Variants in TGFBR2 observed in about 807,000 individuals in gnomAD.
TGFBR2 encodes the protein TGF-beta receptor type-2.
TGFBR2 carries 18 observed loss-of-function variants against 49.0 expected under a neutral mutation model. The observed-to-expected ratio is 0.37, with a 90% CI of 0.25 to 0.54. The LOEUF is 0.54. Among genes scored for constraint, TGFBR2 ranks in the 20% least tolerant of loss-of-function variants. The pLI, the probability that TGFBR2 is intolerant of heterozygous loss-of-function variation, is 0.85. For missense variants in TGFBR2, 525 were observed against 722.6 expected (o/e 0.73, Z 3.13); for synonymous variants, 282 against 275.9 (o/e 1.02, Z -0.22).
At chr3:30,652,232 G>GTTTTTTTT (rs11386584) in intron 3 of TGFBR2, among the ~76,000 whole-genome samples, 7 of 97,030 alleles carry the variant, frequency 7.2e-5, no homozygotes, top group Admixed American at 1.5e-4. Flanking sequence ...TTTTCTGGTT[G>GTTTTTTTT]TTTTTTTTTT....
intron 1 of TGFBR2, among the ~76,000 whole-genome samples, chr3:30,611,880 G>C (rs1271967100): frequency 2.6e-5 from 4 of 152,142 alleles, no homozygotes; most frequent in Admixed American, 2.6e-4. Flanking sequence ...CCACATAAAA[G>C]CATAACTCTG....
chr3:30,639,529 A>G (rs1468546590), intron 1 of TGFBR2, among the ~76,000 whole-genome samples: 2 of 152,110 alleles, frequency 1.3e-5, no homozygotes, highest in Non-Finnish European at 2.9e-5. Context: ...CCCCCACAAT[A>G]CCACTATGCT....
intron 2 of TGFBR2, 37 bp from the exon 3 acceptor site, chr3:30,650,233 C>T: frequency 6.3e-7 from 1 of 1,588,218 alleles, no homozygotes; most frequent in Non-Finnish European, 8.6e-7. Context: ...TCTCTCTCTC[C>T]CTCTCCCCTC....
In TGFBR2 at chr3:30,691,476, C is replaced by T. The variant is rs2125455297; in HGVS notation, c.1581C>T (p.Ala527=). The stretch of plus-strand genomic sequence containing the variant: ...AGTGCTGGGACCACGACCCAGAGGC[C>T]CGTCTCACAGCCCAGTGTGTGGCAG... The part of the protein sequence containing the change: ...LTECWDHDPE[A]RLTAQCVAER... Residue 527 remains alanine (A), a synonymous_variant, in exon 7 of 7, where the codon GCC becomes GCT. Transcript: ENST00000295754. 4 of 1,614,050 alleles carry T rather than the reference C, an allele frequency of 2.5e-6. No homozygotes were observed. The South Asian group carries it at 4.4e-5, about 18-fold the overall frequency.
At chr3:30,678,681 G>A (rs1488074374) in intron 5 of TGFBR2, among the ~76,000 whole-genome samples, 1 of 152,060 alleles carries the variant, frequency 6.6e-6, no homozygotes, top group Non-Finnish European at 1.5e-5. Flanking sequence ...AGGAGAGTAA[G>A]TGTGGCTGCT....
At chr3:30,677,265 C>T (rs1293090067) in intron 5 of TGFBR2, among the ~76,000 whole-genome samples, 1 of 152,158 alleles carries the variant, frequency 6.6e-6, no homozygotes, top group African/African-American at 2.4e-5. Context: ...GGTCTAAAAA[C>T]AGTTAGAATA....
At chr3:30,668,271 T>G (rs1336725652) in intron 3 of TGFBR2, among the ~76,000 whole-genome samples, 9 of 152,234 alleles carry the variant, frequency 5.9e-5, no homozygotes, top group Admixed American at 5.9e-4. Flanking sequence ...AAAACAGACC[T>G]GGCCACTACC....
chr3:30,643,105 A>C (rs992366816), intron 1 of TGFBR2, among the ~76,000 whole-genome samples: 6 of 152,226 alleles, frequency 3.9e-5, no homozygotes, highest in Non-Finnish European at 5.9e-5. Context: ...GTTGCAGGGC[A>C]AAGTATCTAT....
At chr3:30,655,601 A>G (rs984356781) in intron 3 of TGFBR2, among the ~76,000 whole-genome samples, 1 of 152,258 alleles carries the variant, frequency 6.6e-6, no homozygotes, top group Non-Finnish European at 1.5e-5. Context: ...GATTAGGGTA[A>G]TCGCAGTTCT....
chr3:30,633,178 TATG>T (rs1439928188), intron 1 of TGFBR2, among the ~76,000 whole-genome samples: 1 of 152,234 alleles, frequency 6.6e-6, no homozygotes, highest in Non-Finnish European at 1.5e-5. Context: ...ATTGATATGA[TATG>T]ATAAGTTATT....
chr3:30,637,569 G>C (rs1698560672), intron 1 of TGFBR2, among the ~76,000 whole-genome samples: 1 of 152,206 alleles, frequency 6.6e-6, no homozygotes, highest in Non-Finnish European at 1.5e-5. Context: ...ACCAAGGGTG[G>C]AGAACTGATC....
intron 1 of TGFBR2, among the ~76,000 whole-genome samples, chr3:30,631,625 T>C (rs77435480): frequency 3.2e-4 from 39 of 123,010 alleles, no homozygotes; most frequent in South Asian, 4.9e-4. Context: ...TTCTTTCTTT[T>C]TTTTTTTTTT....
At position 30,693,314 on chromosome 3, in the gene TGFBR2, A is replaced by G. The variant is rs559265897; in HGVS notation, c.*1715A>G. ...TTTGAATGTGGGACACAAAGGTCCC[A>G]TTTGCAGTTAGAAAATTTGTGTCCA... is the stretch of plus-strand genomic sequence containing the variant. On this transcript the variant is annotated 3_prime_UTR_variant, in exon 7 of 7. Coordinates refer to ENST00000295754, the MANE Select transcript of TGFBR2 (RefSeq NM_003242.6). 4.3e-6 allele frequency: 1 copy of G among 233,846 alleles called. No individual in the cohort carries two copies. The highest frequency in any genetic ancestry group is 8.5e-6 in the Non-Finnish European group (1 of 118,028). The allele number at this position is 233,846 out of a possible 1,614,324, so 14.5% of individuals were successfully genotyped here. A position where few individuals can be genotyped will look rare whatever the true frequency, so the allele number is the denominator to read the frequency against.
rs1227208440 is a variant in TGFBR2 at position 30,628,168 on chromosome 3, A to ATC, written c.95-16579_95-16578insTC. On this transcript the variant is annotated intron_variant, in intron 1 of 6. Coordinates refer to ENST00000295754, the MANE Select transcript of TGFBR2 (RefSeq NM_003242.6). Reference sequence around the variant, plus strand: ...TTAGTTTTAATCTTAAAAGGATTATAAAAATAGTACTGCCTTGTGGGAGAA... The same window carrying ATC: ...TTAGTTTTAATCTTAAAAGGATTATATCAAAATAGTACTGCCTTGTGGGAGAA... Among the ~76,000 whole-genome samples the ATC allele has an allele frequency of 2.7e-5, 4 of 150,622 alleles. No individual in the cohort carries two copies. The East Asian group carries it at 7.9e-4, about 30-fold the overall frequency.
chr3:30,691,292 A>T, intron 6 of TGFBR2, 128 bp from the exon 7 acceptor site: 1 of 1,000,048 alleles, frequency 1.0e-6, no homozygotes, highest in Non-Finnish European at 1.5e-6. Flanking sequence ...CTCAGTCAGC[A>T]CATGTTAAAT....
At chr3:30,621,273 A>ATAT (rs1698225302) in intron 1 of TGFBR2, among the ~76,000 whole-genome samples, 2 of 115,714 alleles carry the variant, frequency 1.7e-5, no homozygotes, top group East Asian at 2.6e-4. Context: ...AAGAATTTTA[A>ATAT]TATTCTTTTT....
At chr3:30,626,172 G>T (rs1698328093) in intron 1 of TGFBR2, among the ~76,000 whole-genome samples, 1 of 152,132 alleles carries the variant, frequency 6.6e-6, no homozygotes, top group South Asian at 2.1e-4. Flanking sequence ...TACAAATGAA[G>T]AATTTCACCA....
intron 5 of TGFBR2, among the ~76,000 whole-genome samples, chr3:30,687,583 C>T (rs1699646907): frequency 6.6e-6 from 1 of 152,082 alleles, no homozygotes; most frequent in Non-Finnish European, 1.5e-5. Flanking sequence ...GCAAAATAGG[C>T]ATAATATAAA....
chr3:30,690,620 A>G (rs1699693310), intron 6 of TGFBR2, among the ~76,000 whole-genome samples: 1 of 152,236 alleles, frequency 6.6e-6, no homozygotes. Flanking sequence ...GGGGGTAATC[A>G]GCCCTGTTAA....
Sources: gnomAD v4.1 joint callset for allele counts (sites outside exome capture counted in the v4.1 genomes callset) on GRCh38, gnomAD v4.1.1 for gene constraint, MANE v1.5 for transcripts, NCBI Gene and HGNC (gene_info 2026-07-23, HGNC 2026-07-21) for gene names.